The following RHCG variants were observed in gnomAD, a reference collection of about 807,000 sequenced individuals.
The protein encoded by RHCG is ammonium transporter Rh type C.
Under a neutral mutation model 55.3 loss-of-function variants are expected in RHCG, and 39 were observed. That is an observed-to-expected ratio of 0.70 (90% confidence interval 0.55 to 0.92). The LOEUF (loss-of-function observed/expected upper bound fraction) is 0.92. Ranked by LOEUF, RHCG falls within the 40% of genes least tolerant of loss-of-function variation. The pLI, the probability that RHCG is intolerant of heterozygous loss-of-function variation, is 0.00. For synonymous variants in RHCG, 250 were observed against 246.8 expected (o/e 1.01, Z -0.12); for missense variants, 635 against 627.9 (o/e 1.01, Z -0.12).
rs745577966 is a variant in RHCG, at chr15:89,486,872, T to A, written c.298A>T (p.Ile100Phe). 1 of 1,612,626 alleles carries A rather than the reference T, an allele frequency of 6.2e-7. No homozygotes were observed. The highest frequency in any genetic ancestry group is 8.5e-7 in the Non-Finnish European group (1 of 1,178,806). The change falls in exon 2 of 11, where the codon ATC becomes TTC. Residue 100 changes from isoleucine to phenylalanine, a missense_variant. Physicochemically the swap from Ile to Phe is conservative, Grantham distance 21 (BLOSUM62 0). Transcript: ENST00000268122. ...CCCTGCATGAGCAGCGCCCACTGGA[T>A]GCCGAAGGCTGCCAACAGGAAGTTG... is the stretch of plus-strand genomic sequence containing the variant. Reference protein sequence around the residue: ...GFNFLLAAFGIQWALLMQGWF... With the variant: ...GFNFLLAAFGFQWALLMQGWF...
At chr15:89,472,027 C>T (rs1190439484) in intron 10 of RHCG, among the ~76,000 whole-genome samples, 172 bp from the exon 11 acceptor site, 1 of 152,200 alleles carries the variant, frequency 6.6e-6, no homozygotes, top group African/African-American at 2.4e-5. Context: ...AGGCCCCAGA[C>T]CCAGCTATTG....
intron 1 of RHCG, among the ~76,000 whole-genome samples, chr15:89,487,744 T>C (rs1187203410): frequency 3.9e-5 from 6 of 152,202 alleles, no homozygotes; most frequent in Non-Finnish European, 8.8e-5. Context: ...GTTGTGAGGA[T>C]TAAACACACA....
intron 2 of RHCG, chr15:89,486,564 CAGAGAG>C (rs59120813): frequency 4.6e-3 from 1,231 of 265,300 alleles, no homozygotes; most frequent in South Asian, 6.9e-3. Context: ...GAGAGAGAGA[CAGAGAG>C]AGAGAGAGAG....
At chr15:89,482,266 C>T (rs1004398345) in intron 3 of RHCG, among the ~76,000 whole-genome samples, 6 of 152,236 alleles carry the variant, frequency 3.9e-5, no homozygotes, top group African/African-American at 1.2e-4. Flanking sequence ...ATAGGGCACT[C>T]TGGCTGCTGA....
intron 1 of RHCG, 102 bp downstream of exon 1, chr15:89,496,259 C>T: frequency 1.7e-6 from 2 of 1,210,078 alleles, no homozygotes; most frequent in Non-Finnish European, 1.2e-6. Flanking sequence ...TCCGCGGCTG[C>T]AGGGTAGATC....
rs1238747680 is a variant in RHCG, at chr15:89,474,936, G to T, written c.1311+1819C>A. On this transcript the variant is annotated intron_variant, in intron 9 of 10. Coordinates refer to ENST00000268122, the MANE Select transcript of RHCG (RefSeq NM_016321.3). ...TTCCTTCCTGCCTGCCTGCCTTCCT[G>T]CCTTCCTGCCTTCATTCATTCCTGC... Among the ~76,000 whole-genome samples, 72 of 78,424 alleles carry T rather than the reference G, an allele frequency of 9.2e-4. 3 individuals carry two copies. The highest frequency in any genetic ancestry group is 2.1e-3 in the African/African-American group (28 of 13,356). 51.4% of individuals were successfully genotyped at this position (78,424 alleles called of 152,430 possible).
chr15:89,486,354 G>T (rs797006688), intron 2 of RHCG: 25 of 456,792 alleles, frequency 5.5e-5, no homozygotes, highest in African/African-American at 4.8e-4. Flanking sequence ...TCTCCCACCA[G>T]AGTCCCGTGG....
chr15:89,474,724 TCCTTCCTGCCTGCCTTCCTTCCTGCCTG>T (rs1961100050), intron 9 of RHCG, among the ~76,000 whole-genome samples: 1 of 151,132 alleles, frequency 6.6e-6, no homozygotes, highest in Non-Finnish European at 1.5e-5. Flanking sequence ...CTTCGTTCAT[TCCTTCCTGCCTGCCTTCCTTCCTGCCTG>T]CCTTCCTTCC....
Position 89,477,848 on chromosome 15 carries a change from CA to C in RHCG, c.963del (p.Phe321LeufsTer4). Reference protein sequence around the residue: ...FVCGIISTLGFVYLTPFLESR... With the variant: ...FVCGIISTLGXVYLTPFLESR... ...CCTGGGGCACTTACGGTCAGGTATA[CA>C]AAACCCAGGGTGGAGATGATGCCGC... On this transcript the variant is annotated frameshift_variant, in exon 6 of 11. Transcript: ENST00000268122. LOFTEE classifies it high-confidence loss of function. The surrounding 1 kb of genome is among the most constrained non-coding windows in gnomAD (Gnocchi z 4.5). 1 of 1,614,090 alleles carries C rather than the reference CA, an allele frequency of 6.2e-7. No individual in the cohort carries two copies. The highest frequency in any genetic ancestry group is 2.2e-5 in the East Asian group (1 of 44,886).
chr15:89,476,411 C>T (rs1002293563), intron 9 of RHCG, among the ~76,000 whole-genome samples: 6 of 152,096 alleles, frequency 3.9e-5, no homozygotes, highest in Non-Finnish European at 7.4e-5. Flanking sequence ...CTGATGGTGC[C>T]GGGCACCATA....
chr15:89,495,922 G>A (rs1961557192), intron 1 of RHCG, among the ~76,000 whole-genome samples: 1 of 152,204 alleles, frequency 6.6e-6, no homozygotes, highest in South Asian at 2.1e-4. Flanking sequence ...GCTAAAAGGG[G>A]GTGGGTGTCC....
intron 3 of RHCG, 106 bp downstream of exon 3, chr15:89,482,961 A>T: frequency 1.7e-6 from 2 of 1,160,282 alleles, no homozygotes; most frequent in Non-Finnish European, 2.4e-6. Context: ...TCAGGAAGTT[A>T]AGTGACTCGC....
chr15:89,486,684 C>A lies in RHCG; in HGVS notation c.371+115G>T, dbSNP rs894946868. ...CCAGTGTGGCCCAAAGGAGGAGTTG[C>A]CCTCCAGCCTCAAGCCCGGGTCCCG... On this transcript the variant is annotated intron_variant, in intron 2 of 10. Transcript: ENST00000268122. The A allele has an allele frequency of 2.3e-5, 22 of 964,028 alleles. No individual in the cohort carries two copies. In the East Asian group the frequency reaches 6.3e-4, roughly 27 times the overall value. 59.7% of individuals were successfully genotyped at this position (964,028 alleles called of 1,614,324 possible).
rs766106217 is a variant in RHCG, at chr15:89,496,319, C to A, written c.184+42G>T. On this transcript the variant is annotated intron_variant, in intron 1 of 10. Coordinates refer to ENST00000268122, the MANE Select transcript of RHCG (RefSeq NM_016321.3). ...GAGCCCTTGGCCAGGTGGGGACCGGCGCGGATATGCCTCCGCTGGGCCTGC... is the reference window on the plus strand; with the variant it reads ...GAGCCCTTGGCCAGGTGGGGACCGGAGCGGATATGCCTCCGCTGGGCCTGC... 3.1e-6 allele frequency: 5 copies of A among 1,605,818 alleles called. No individual in the cohort carries two copies. The African/African-American group carries it at 5.3e-5, about 17-fold the overall frequency.
intron 9 of RHCG, among the ~76,000 whole-genome samples, chr15:89,475,385 G>A (rs565590070): frequency 3.0e-4 from 46 of 152,296 alleles, no homozygotes; most frequent in Non-Finnish European, 2.6e-4. Flanking sequence ...TGGGATTATA[G>A]GCATGAGACA....
chr15:89,490,111 C>T (rs1031005402), intron 1 of RHCG, among the ~76,000 whole-genome samples: 131 of 152,374 alleles, frequency 8.6e-4, no homozygotes, highest in Non-Finnish European at 1.8e-4. Context: ...GGAAGGGCTG[C>T]AGCCCCCCTC....
At chr15:89,494,243 G>C (rs1041221709) in intron 1 of RHCG, among the ~76,000 whole-genome samples, 4 of 152,034 alleles carry the variant, frequency 2.6e-5, no homozygotes, top group African/African-American at 9.7e-5. Context: ...CTTCTGCTCA[G>C]AGCACTTGGT....
At chr15:89,492,012 GT>G (rs1961485131) in intron 1 of RHCG, among the ~76,000 whole-genome samples, 1 of 152,184 alleles carries the variant, frequency 6.6e-6, no homozygotes, top group South Asian at 2.1e-4. Context: ...CATCATATAA[GT>G]TATTATTTCT....
At position 89,486,564 on chromosome 15, in the gene RHCG, C is replaced by CAGAGAG. The variant is rs59120813; in HGVS notation, c.371+229_371+234dup. 422 of 268,978 alleles carry CAGAGAG rather than the reference C, an allele frequency of 1.6e-3. 6 individuals are homozygous for CAGAGAG. Among genetic ancestry groups the CAGAGAG allele is most frequent in the Admixed American group, 6.2e-3 (134 of 21,756 alleles). The allele number at this position is 268,978 out of a possible 1,614,324, so 16.7% of individuals were successfully genotyped here. On this transcript the variant is annotated intron_variant, in intron 2 of 10. Coordinates refer to ENST00000268122, the MANE Select transcript of RHCG (RefSeq NM_016321.3). ...AAGCGAAGTGAGAGAGAGAGAGAGA[C>CAGAGAG]AGAGAGAGAGAGAGAGAGAGAGAGA...
Sources: gnomAD v4.1 joint callset for allele counts (sites outside exome capture counted in the v4.1 genomes callset) on GRCh38, gnomAD v4.1.1 for gene constraint, Gnocchi (gnomAD v3.1) non-coding constraint, MANE v1.5 for transcripts, NCBI Gene and HGNC (gene_info 2026-07-23, HGNC 2026-07-21) for gene names.